PPP2R2B: variants seen among roughly 807,000 people sequenced by gnomAD.
PPP2R2B encodes serine/threonine-protein phosphatase 2A 55 kDa regulatory subunit B beta isoform.
Under a neutral mutation model 46.0 loss-of-function variants are expected in PPP2R2B, and 5 were observed. That is an observed-to-expected ratio of 0.11 (90% confidence interval 0.06 to 0.23). The LOEUF (loss-of-function observed/expected upper bound fraction) is 0.23, where lower values mean the gene tolerates loss of function less well. Among genes scored for constraint, PPP2R2B ranks in the 10% least tolerant of loss-of-function variants. The probability of loss-of-function intolerance (pLI) is 1.00; values close to 1 mark genes in which losing one functional copy is unlikely to be tolerated. For missense variants in PPP2R2B, 367 were observed against 575.0 expected, an observed-to-expected ratio of 0.64 and a Z score of 3.70; for synonymous variants, 215 against 206.7, an observed-to-expected ratio of 1.04 and a Z score of -0.34.
At chr5:146,986,535 G>T (rs1266788642) in intron 1 of PPP2R2B, among the ~76,000 whole-genome samples, 1 of 152,078 alleles carries the variant, frequency 6.6e-6, no homozygotes, top group Non-Finnish European at 1.5e-5. Flanking sequence ...AAGCAATTCA[G>T]AAATTTATCA....
chr5:146,964,517 ATTTATTTTTATT>A (rs554464642), intron 1 of PPP2R2B, among the ~76,000 whole-genome samples: 4 of 151,802 alleles, frequency 2.6e-5, no homozygotes, highest in Middle Eastern at 3.4e-3. Context: ...CAGCTCCTGT[ATTTATTTTTATT>A]TTTATTTTTA....
At chr5:146,970,795 G>C (rs143079109) in intron 1 of PPP2R2B, among the ~76,000 whole-genome samples, 1 of 151,820 alleles carries the variant, frequency 6.6e-6, no homozygotes, top group Non-Finnish European at 1.5e-5. Context: ...GAGTTGCCCC[G>C]TAAAACTTAC....
intron 1 of PPP2R2B, among the ~76,000 whole-genome samples, chr5:147,002,039 C>T (rs1754202732): frequency 1.3e-5 from 2 of 152,168 alleles, no homozygotes; most frequent in South Asian, 2.1e-4. Context: ...TCTATCCTGA[C>T]CCTTGCCTCC....
At position 146,730,609 on chromosome 5, in the gene PPP2R2B, G is replaced by C. The variant is rs11958823; in HGVS notation, c.71-29467C>G. Among the ~76,000 whole-genome samples, 19 of 152,256 alleles carry C rather than the reference G, an allele frequency of 1.2e-4. No individual in the cohort carries two copies. In the South Asian group the frequency reaches 3.7e-3, roughly 30 times the overall value. ...ATGAGGGCCAGTCTTTCCCGTGCTAGTCTCATAATAGTGAATAAGTCTCAT... is the reference window on the plus strand; with the variant it reads ...ATGAGGGCCAGTCTTTCCCGTGCTACTCTCATAATAGTGAATAAGTCTCAT... On this transcript the variant is annotated intron_variant, in intron 2 of 9. Coordinates refer to ENST00000394411, the MANE Select transcript of PPP2R2B (RefSeq NM_181675.4).
At chr5:146,863,039 T>A (rs78324391) in intron 2 of PPP2R2B, among the ~76,000 whole-genome samples, 1 of 151,934 alleles carries the variant, frequency 6.6e-6, no homozygotes, top group South Asian at 2.1e-4. Flanking sequence ...TTTGCTTTTT[T>A]TTTTTTCCAC....
intron 8 of PPP2R2B, among the ~76,000 whole-genome samples, chr5:146,599,702 G>T (rs1561757331): frequency 6.6e-6 from 1 of 152,112 alleles, no homozygotes; most frequent in African/African-American, 2.4e-5. Context: ...AGAACATGCA[G>T]GTTTGTTACA....
intron 2 of PPP2R2B, among the ~76,000 whole-genome samples, chr5:146,767,929 T>G (rs541344379): frequency 6.6e-6 from 1 of 152,194 alleles, no homozygotes; most frequent in African/African-American, 2.4e-5. Context: ...ACTGCTGATC[T>G]TTTGACTGTC....
At position 146,963,037 on chromosome 5, in the gene PPP2R2B, A is replaced by G. The variant is rs1036985397; in HGVS notation, c.79+92628T>C. Among the ~76,000 whole-genome samples, 3 of 152,232 alleles carry G rather than the reference A, an allele frequency of 2.0e-5. No homozygotes were observed. The East Asian group carries it at 5.8e-4, about 29-fold the overall frequency. On this transcript the variant is annotated intron_variant, in intron 1 of 8. Coordinates refer to the PPP2R2B transcript ENST00000336640. ...ATCTTTGAGATGATGATGCAATTCA[A>G]CAAGAAAAGATTCAATGTGTACAAA...
chr5:146,664,440 C>A (rs1231328026), intron 5 of PPP2R2B, among the ~76,000 whole-genome samples: 2 of 152,226 alleles, frequency 1.3e-5, no homozygotes, highest in Non-Finnish European at 2.9e-5. Context: ...CCATAAGAAG[C>A]AATTCCTCAT....
At chr5:147,076,092 C>T (rs1454201996) in intron 2 of PPP2R2B, among the ~76,000 whole-genome samples, 1 of 152,114 alleles carries the variant, frequency 6.6e-6, no homozygotes, top group African/African-American at 2.4e-5. Flanking sequence ...GTATTTTTAA[C>T]TGTGCAACAT....
intron 1 of PPP2R2B, among the ~76,000 whole-genome samples, chr5:146,961,356 G>A (rs571187391): frequency 6.6e-6 from 1 of 152,170 alleles, no homozygotes; most frequent in African/African-American, 2.4e-5. Flanking sequence ...TGGCATGCAT[G>A]TTTAATGCCT....
At chr5:147,074,977 C>G (rs62377631) in intron 2 of PPP2R2B, among the ~76,000 whole-genome samples, 5,323 of 152,142 alleles carry the variant, frequency 0.035, 175 homozygotes, top group East Asian at 0.16. Context: ...TGACAGACAT[C>G]AAAGAACTGC....
At chr5:146,744,760 G>A (rs1054412589) in intron 2 of PPP2R2B, among the ~76,000 whole-genome samples, 2 of 152,166 alleles carry the variant, frequency 1.3e-5, no homozygotes, top group Non-Finnish European at 2.9e-5. Context: ...ATCTTATTGA[G>A]AATAGCTTAG....
intron 5 of PPP2R2B, among the ~76,000 whole-genome samples, chr5:146,689,454 C>G (rs1051738810): frequency 2.6e-5 from 4 of 152,152 alleles, no homozygotes; most frequent in Non-Finnish European, 5.9e-5. Flanking sequence ...CTATTCAACA[C>G]AGGAACAGGC....
At chr5:146,601,785 A>T (rs1042539760) in intron 7 of PPP2R2B, among the ~76,000 whole-genome samples, 8 of 152,276 alleles carry the variant, frequency 5.3e-5, no homozygotes, top group Admixed American at 3.9e-4. Context: ...TGAGGTCTGG[A>T]CTTCTAGTGT....
intron 6 of PPP2R2B, among the ~76,000 whole-genome samples, chr5:146,639,897 G>GTT (rs1385136024): frequency 1.3e-5 from 2 of 152,202 alleles, no homozygotes; most frequent in Non-Finnish European, 2.9e-5. Flanking sequence ...TGTGCCAGGA[G>GTT]TTTATGCACC....
At chr5:146,804,609 G>A (rs1027824920) in intron 2 of PPP2R2B, among the ~76,000 whole-genome samples, 3 of 152,170 alleles carry the variant, frequency 2.0e-5, no homozygotes, top group Non-Finnish European at 2.9e-5. Flanking sequence ...TGTTTAGAAA[G>A]ACAAAATCAG....
At chr5:146,620,458 C>G (rs911837392) in intron 7 of PPP2R2B, among the ~76,000 whole-genome samples, 1 of 152,162 alleles carries the variant, frequency 6.6e-6, no homozygotes, top group Non-Finnish European at 1.5e-5. Context: ...GCAGTCCAGA[C>G]AAGATGATGA....
intron 6 of PPP2R2B, among the ~76,000 whole-genome samples, chr5:146,639,069 G>A (rs999206211): frequency 6.6e-5 from 10 of 152,176 alleles, no homozygotes; most frequent in Non-Finnish European, 1.2e-4. Flanking sequence ...GGGTGGAAAC[G>A]GATGCTCCAT....
Sources: gnomAD v4.1 joint callset for allele counts (sites outside exome capture counted in the v4.1 genomes callset) on GRCh38, gnomAD v4.1.1 for gene constraint, MANE v1.5 for transcripts, NCBI Gene and HGNC (gene_info 2026-07-23, HGNC 2026-07-21) for gene names.